GABRB1: variants seen among roughly 807,000 people sequenced by gnomAD.
GABRB1 encodes the protein gamma-aminobutyric acid receptor subunit beta-1.
In GABRB1, 17 loss-of-function variants were observed where a neutral mutation model predicts 51.6. That is an observed-to-expected ratio of 0.33 (90% confidence interval 0.23 to 0.49). GABRB1 has a LOEUF of 0.49. GABRB1 is among the 20% of genes least tolerant of loss of function. The pLI, the probability that GABRB1 is intolerant of heterozygous loss-of-function variation, is 0.99. For synonymous variants in GABRB1, 247 were observed against 218.9 expected, an observed-to-expected ratio of 1.13 and a Z score of -1.14; for missense variants, 410 against 600.6, an observed-to-expected ratio of 0.68 and a Z score of 3.32.
chr4:47,399,200 C>T (rs1163308099), intron 5 of GABRB1, among the ~76,000 whole-genome samples: 1 of 152,124 alleles, frequency 6.6e-6, no homozygotes, highest in East Asian at 1.9e-4. Context: ...GGGTTTTATT[C>T]TCCTTAGATT....
chr4:47,227,225 T>C (rs1720974984), intron 4 of GABRB1, among the ~76,000 whole-genome samples: 1 of 152,190 alleles, frequency 6.6e-6, no homozygotes, highest in Non-Finnish European at 1.5e-5. Context: ...ATTCATTCAT[T>C]TTTTCGTGCA....
At chr4:47,025,851 A>G (rs1054423391) in intron 1 of GABRB1, among the ~76,000 whole-genome samples, 1 of 151,802 alleles carries the variant, frequency 6.6e-6, no homozygotes, top group East Asian at 1.9e-4. Context: ...TGCAAACATA[A>G]TTTTGTTCAA....
At chr4:47,099,015 G>A (rs1022180451) in intron 3 of GABRB1, among the ~76,000 whole-genome samples, 9 of 151,914 alleles carry the variant, frequency 5.9e-5, no homozygotes, top group Non-Finnish European at 8.8e-5. Flanking sequence ...CTTCATTAGC[G>A]CAAGTTGTTC....
At chr4:47,284,526 A>G (rs1280724007) in intron 4 of GABRB1, among the ~76,000 whole-genome samples, 2 of 152,226 alleles carry the variant, frequency 1.3e-5, no homozygotes, top group African/African-American at 2.4e-5. Context: ...TTATTTCCCT[A>G]CTTCCAAGAG....
At chr4:47,119,009 T>C (rs933381999) in intron 3 of GABRB1, among the ~76,000 whole-genome samples, 1 of 152,176 alleles carries the variant, frequency 6.6e-6, no homozygotes, top group African/African-American at 2.4e-5. Flanking sequence ...TTGCAAGCTG[T>C]ACATGCATAT....
chr4:47,272,071 C>A (rs1722894828), intron 4 of GABRB1, among the ~76,000 whole-genome samples: 1 of 152,158 alleles, frequency 6.6e-6, no homozygotes. Flanking sequence ...TAATTAACTA[C>A]CCGTGTTCCT....
At chr4:47,230,074 A>T (rs1353397447) in intron 4 of GABRB1, among the ~76,000 whole-genome samples, 1 of 152,214 alleles carries the variant, frequency 6.6e-6, no homozygotes, top group African/African-American at 2.4e-5. Flanking sequence ...TCAATATAAT[A>T]AAGACTGAAT....
chr4:47,235,966 A>G (rs1432712296), intron 4 of GABRB1, among the ~76,000 whole-genome samples: 1 of 151,974 alleles, frequency 6.6e-6, no homozygotes, highest in Non-Finnish European at 1.5e-5. Flanking sequence ...AAAATTTCTC[A>G]TTTAAAATGG....
At chr4:47,067,370 T>C (rs1038299922) in intron 3 of GABRB1, among the ~76,000 whole-genome samples, 10 of 152,216 alleles carry the variant, frequency 6.6e-5, no homozygotes, top group Non-Finnish European at 1.2e-4. Context: ...TTTGAAGCTG[T>C]GAAGGGAAGG....
At chr4:47,013,159 G>GTGTC (rs1367516318) in intron 1 of GABRB1, among the ~76,000 whole-genome samples, 1 of 151,830 alleles carries the variant, frequency 6.6e-6, no homozygotes, top group Non-Finnish European at 1.5e-5. Flanking sequence ...GTGTGTGTGT[G>GTGTC]TGTGTAAGGC....
chr4:47,311,858 A>G (rs771775467), intron 4 of GABRB1, among the ~76,000 whole-genome samples: 4 of 152,076 alleles, frequency 2.6e-5, no homozygotes, highest in Non-Finnish European at 4.4e-5. Context: ...CCCGCAATCC[A>G]TTATTTGTGG....
intron 4 of GABRB1, among the ~76,000 whole-genome samples, chr4:47,215,344 G>T (rs576416825): frequency 2.0e-5 from 3 of 152,080 alleles, no homozygotes; most frequent in South Asian, 2.1e-4. Context: ...ATTCAGTATT[G>T]CTGTTGCTTT....
intron 4 of GABRB1, among the ~76,000 whole-genome samples, chr4:47,252,151 G>C (rs1321458173): frequency 7.0e-6 from 1 of 142,996 alleles, no homozygotes; most frequent in East Asian, 2.2e-4. Context: ...GTGCCAGGCA[G>C]GAATGGCCTG....
At chr4:47,059,624 A>G (rs1726763791) in intron 3 of GABRB1, among the ~76,000 whole-genome samples, 1 of 152,220 alleles carries the variant, frequency 6.6e-6, no homozygotes, top group Admixed American at 6.5e-5. Context: ...ATTAAAGCCT[A>G]AAGAAAAAAA....
intron 7 of GABRB1, among the ~76,000 whole-genome samples, chr4:47,404,489 GCACACACACACACACA>G (rs56335154): frequency 1.6e-3 from 233 of 145,654 alleles, no homozygotes; most frequent in African/African-American, 5.4e-3. Context: ...ACACACGCAT[GCACACACACACACACA>G]CACACACACA....
At chr4:47,330,746 C>T (rs887236196) in intron 5 of GABRB1, among the ~76,000 whole-genome samples, 1 of 152,132 alleles carries the variant, frequency 6.6e-6, no homozygotes, top group African/African-American at 2.4e-5. Context: ...ATCACTAATA[C>T]ATTGCTTTCT....
chr4:47,199,057 G>A (rs945583775), intron 4 of GABRB1, among the ~76,000 whole-genome samples: 6 of 152,166 alleles, frequency 3.9e-5, no homozygotes, highest in Non-Finnish European at 7.3e-5. Flanking sequence ...TTCAAGATGA[G>A]ATTTAGGTGG....
rs372979142 is a variant in GABRB1, at chr4:47,079,602, T to A, written c.240+47118T>A. ...AGCAAAGACTTGGAATCAAGCCAAA[T>A]GTCCAACAACAATAGGCTGGATTAA... On this transcript the variant is annotated intron_variant, in intron 3 of 8. Coordinates refer to ENST00000295454, the MANE Select transcript of GABRB1 (RefSeq NM_000812.4). Among the ~76,000 whole-genome samples the A allele has an allele frequency of 2.9e-3, 437 of 152,156 alleles. 2 individuals carry two copies. Among genetic ancestry groups the A allele is most frequent in the African/African-American group, 9.2e-3 (380 of 41,518 alleles).
chr4:47,079,749 C>CA (rs1727742455), intron 3 of GABRB1, among the ~76,000 whole-genome samples: 1 of 146,968 alleles, frequency 6.8e-6, no homozygotes. Context: ...ATCGCAAGGA[C>CA]AAAAAACCAA....
Sources: gnomAD v4.1 joint callset for allele counts (sites outside exome capture counted in the v4.1 genomes callset) on GRCh38, gnomAD v4.1.1 for gene constraint, MANE v1.5 for transcripts, NCBI Gene and HGNC (gene_info 2026-07-23, HGNC 2026-07-21) for gene names.